Variants in KIAA0825 observed in about 807,000 individuals in gnomAD.
KIAA0825 encodes the protein KIAA0825.
Under a neutral mutation model 147.6 loss-of-function variants are expected in KIAA0825, and 119 were observed. The ratio of observed to expected loss-of-function variants is 0.81; its 90% CI spans 0.69 to 0.94. KIAA0825 has a LOEUF of 0.94. KIAA0825 is among the 40% of genes least tolerant of loss of function. KIAA0825 has a pLI of 0.00. For synonymous variants in KIAA0825, 470 were observed against 518.1 expected, an observed-to-expected ratio of 0.91 and a Z score of 1.26; for missense variants, 1,381 against 1,472.7, an observed-to-expected ratio of 0.94 and a Z score of 1.02.
chr5:94,604,863 C>T (rs1303130790), intron 1 of KIAA0825, among the ~76,000 whole-genome samples: 2 of 151,700 alleles, frequency 1.3e-5, no homozygotes, highest in South Asian at 2.1e-4. Flanking sequence ...AGACAAATCC[C>T]AAAGCTAGCA....
At chr5:94,385,887 A>G (rs1749072701) in intron 19 of KIAA0825, among the ~76,000 whole-genome samples, 1 of 152,154 alleles carries the variant, frequency 6.6e-6, no homozygotes, top group Non-Finnish European at 1.5e-5. Flanking sequence ...GTTGCAAGGT[A>G]TTTTGTGAGT....
At chr5:94,391,500 C>A (rs1253327718) in intron 18 of KIAA0825, 35 bp downstream of exon 18, 22 of 1,550,894 alleles carry the variant, frequency 1.4e-5, no homozygotes, top group Non-Finnish European at 1.9e-5. Context: ...GGCCAGTACA[C>A]ACCTAATTGC....
intron 12 of KIAA0825, among the ~76,000 whole-genome samples, chr5:94,461,667 C>T (rs367809659): frequency 4.6e-5 from 7 of 151,832 alleles, no homozygotes; most frequent in South Asian, 2.1e-4. Context: ...ATTTGTATGT[C>T]GCTTTTACCA....
chr5:94,456,437 T>C (rs1374360834), intron 12 of KIAA0825, among the ~76,000 whole-genome samples: 1 of 152,180 alleles, frequency 6.6e-6, no homozygotes, highest in Non-Finnish European at 1.5e-5. Context: ...TTGGTTTGTT[T>C]TTATAGGATT....
At chr5:94,583,432 A>G (rs1339019462) in intron 1 of KIAA0825, among the ~76,000 whole-genome samples, 2 of 152,294 alleles carry the variant, frequency 1.3e-5, no homozygotes, top group South Asian at 2.1e-4. Context: ...TCGACCTGGG[A>G]TGCTGGAGCT....
chr5:94,446,656 G>A (rs1260178276), intron 13 of KIAA0825, among the ~76,000 whole-genome samples: 3 of 152,162 alleles, frequency 2.0e-5, no homozygotes, highest in Non-Finnish European at 4.4e-5. Context: ...GGGTTGAGAA[G>A]TGGGTAAGAG....
At chr5:94,561,602 C>G (rs1441269404) in intron 2 of KIAA0825, among the ~76,000 whole-genome samples, 1 of 152,176 alleles carries the variant, frequency 6.6e-6, no homozygotes, top group African/African-American at 2.4e-5. Flanking sequence ...CATATGGACT[C>G]TACGCTTCTC....
rs772560531 is a variant in KIAA0825 at position 94,386,277 on chromosome 5, T to C, written c.3584A>G (p.Tyr1195Cys). 1.3e-5 allele frequency: 20 copies of C among 1,551,216 alleles called. No individual in the cohort carries two copies. The highest frequency in any genetic ancestry group is 2.0e-5 in the Admixed American group (1 of 50,938). Residue 1195 changes from tyrosine (Y) to cysteine (C), a missense_variant, in exon 19 of 21, where the codon TAT becomes TGT. Coordinates refer to ENST00000682413, the MANE Select transcript of KIAA0825 (RefSeq NM_001145678.3). ...TAGCATGTTTTCACTAAACGCCTTA[T>C]ACACATGGAAAGGGTTAAAGGCAGA... is the stretch of plus-strand genomic sequence containing the variant. ...QPSAFNPFHV[Y>C]KAFSENMLDQ...
At chr5:94,281,198 AACACACACACACACACAC>A (rs34358354) in intron 20 of KIAA0825, among the ~76,000 whole-genome samples, 20 of 145,124 alleles carry the variant, frequency 1.4e-4, no homozygotes, top group Non-Finnish European at 2.4e-4. Context: ...TAAGTGATTT[AACACACACACACACACAC>A]ACACACACAC....
chr5:94,585,018 C>T (rs1322072123), intron 1 of KIAA0825, among the ~76,000 whole-genome samples: 1 of 152,146 alleles, frequency 6.6e-6, no homozygotes, highest in Non-Finnish European at 1.5e-5. Context: ...CCAGGCCTGA[C>T]TTACAAGAGC....
At chr5:94,582,760 A>G (rs529503213) in intron 1 of KIAA0825, among the ~76,000 whole-genome samples, 177 bp from the exon 2 acceptor site, 1 of 152,320 alleles carries the variant, frequency 6.6e-6, no homozygotes, top group African/African-American at 2.4e-5. Flanking sequence ...CATACATAAG[A>G]AAAGCTTATT....
chr5:94,221,381 C>A (rs1773654645), intron 20 of KIAA0825, among the ~76,000 whole-genome samples: 2 of 152,192 alleles, frequency 1.3e-5, no homozygotes, highest in Non-Finnish European at 2.9e-5. Flanking sequence ...CAAGTTCCAC[C>A]AAACCATGCC....
At chr5:94,397,345 G>T (rs1208269981) in intron 16 of KIAA0825, among the ~76,000 whole-genome samples, 1 of 152,142 alleles carries the variant, frequency 6.6e-6, no homozygotes, top group East Asian at 1.9e-4. Context: ...TTGCTAAGAA[G>T]TCCTTAGCCT....
At chr5:94,196,126 T>C (rs1380602977) in intron 20 of KIAA0825, among the ~76,000 whole-genome samples, 1 of 152,128 alleles carries the variant, frequency 6.6e-6, no homozygotes, top group Non-Finnish European at 1.5e-5. Flanking sequence ...CTTAGCCAGG[T>C]TAATTCTGAG....
intron 20 of KIAA0825, among the ~76,000 whole-genome samples, chr5:94,188,837 T>G (rs1770398554): frequency 6.6e-6 from 1 of 152,216 alleles, no homozygotes; most frequent in Admixed American, 6.5e-5. Context: ...CTCTTCATAA[T>G]GTACTGTCAG....
intron 5 of KIAA0825, among the ~76,000 whole-genome samples, chr5:94,506,046 A>C (rs139563153): frequency 6.6e-6 from 1 of 152,208 alleles, no homozygotes; most frequent in East Asian, 1.9e-4. Flanking sequence ...TTATATTTTA[A>C]CTACTATTGC....
At chr5:94,214,814 TC>T (rs1264018403) in intron 20 of KIAA0825, among the ~76,000 whole-genome samples, 1 of 152,204 alleles carries the variant, frequency 6.6e-6, no homozygotes, top group African/African-American at 2.4e-5. Context: ...CCAGGCAAAC[TC>T]TTTTCTCTAC....
intron 20 of KIAA0825, among the ~76,000 whole-genome samples, chr5:94,272,211 G>A (rs1777026950): frequency 6.6e-6 from 1 of 151,472 alleles, no homozygotes; most frequent in Admixed American, 6.6e-5. Flanking sequence ...GGGAGGACAG[G>A]GACATGGGGA....
chr5:94,270,235 C>T (rs1279087647), intron 20 of KIAA0825, among the ~76,000 whole-genome samples: 1 of 151,952 alleles, frequency 6.6e-6, no homozygotes, highest in Non-Finnish European at 1.5e-5. Flanking sequence ...ATGGTATCAG[C>T]ATAAAGACAG....
Sources: gnomAD v4.1 joint callset for allele counts (sites outside exome capture counted in the v4.1 genomes callset) on GRCh38, gnomAD v4.1.1 for gene constraint, MANE v1.5 for transcripts, NCBI Gene and HGNC (gene_info 2026-07-23, HGNC 2026-07-21) for gene names.